EPB41L3: variants seen among roughly 807,000 people sequenced by gnomAD.
EPB41L3 encodes band 4.1-like protein 3.
Under a neutral mutation model 127.1 loss-of-function variants are expected in EPB41L3, and 57 were observed. That is an observed-to-expected ratio of 0.45 (90% CI 0.36 to 0.56). The LOEUF (loss-of-function observed/expected upper bound fraction) is 0.56. Ranked by LOEUF, EPB41L3 falls within the 20% of genes least tolerant of loss-of-function variation. The pLI, the probability that EPB41L3 is intolerant of heterozygous loss-of-function variation, is 0.00. For synonymous variants in EPB41L3, 572 were observed against 549.5 expected (o/e 1.04, Z -0.57); for missense variants, 1,273 against 1,372.2 (o/e 0.93, Z 1.14).
chr18:5,419,651 C>T lies in EPB41L3; in HGVS notation c.1506+60G>A, dbSNP rs2077226151. ...GCACATTCCTGGTTTACAGCCTCAG[C>T]ATCATTTAGTCATTCTTAAAAGCTG... is the stretch of plus-strand genomic sequence containing the variant. On this transcript the variant is annotated intron_variant, in intron 12 of 22. Transcript: ENST00000341928. The T allele has an allele frequency of 1.7e-5, 28 of 1,602,648 alleles. No homozygotes were observed. The South Asian group carries it at 2.9e-4, about 17-fold the overall frequency.
intron 13 of EPB41L3, among the ~76,000 whole-genome samples, chr18:5,411,776 G>A (rs1276098355): frequency 6.6e-6 from 1 of 152,148 alleles, no homozygotes; most frequent in Non-Finnish European, 1.5e-5. Flanking sequence ...CTGGGACAGT[G>A]TTGTTTCCAC....
At chr18:5,564,528 C>T (rs142536863) in intron 3 of EPB41L3, among the ~76,000 whole-genome samples, 1,916 of 152,100 alleles carry the variant, frequency 0.013, 41 homozygotes, top group African/African-American at 0.044. Flanking sequence ...ATTATGGAGC[C>T]GATGGTGGGT....
At chr18:5,535,164 A>T (rs1334181278) in intron 1 of EPB41L3, among the ~76,000 whole-genome samples, 1 of 152,132 alleles carries the variant, frequency 6.6e-6, no homozygotes. Context: ...GAAGTGGAAC[A>T]GTTTCTTCCT....
chr18:5,625,907 T>A (rs1379970301), intron 1 of EPB41L3, among the ~76,000 whole-genome samples: 1 of 152,106 alleles, frequency 6.6e-6, no homozygotes, highest in Non-Finnish European at 1.5e-5. Flanking sequence ...TTTCTCTCTC[T>A]TTTTATTTCA....
intron 2 of EPB41L3, among the ~76,000 whole-genome samples, chr18:5,481,362 T>C (rs1422844222): frequency 6.6e-6 from 1 of 152,166 alleles, no homozygotes. Flanking sequence ...AAAAACTCCA[T>C]GCAGATGGTG....
chr18:5,529,992 C>A (rs1204504513), intron 1 of EPB41L3, among the ~76,000 whole-genome samples: 1 of 150,784 alleles, frequency 6.6e-6, no homozygotes, highest in Non-Finnish European at 1.5e-5. Context: ...GGGCCATTCC[C>A]CTCTCCCTCA....
At chr18:5,601,358 C>G (rs1177174545) in intron 3 of EPB41L3, among the ~76,000 whole-genome samples, 1 of 152,138 alleles carries the variant, frequency 6.6e-6, no homozygotes, top group Non-Finnish European at 1.5e-5. Flanking sequence ...AAGTTGCCTC[C>G]CCCTGTGCTA....
At chr18:5,417,063 T>G (rs543670911) in intron 12 of EPB41L3, among the ~76,000 whole-genome samples, 2 of 152,340 alleles carry the variant, frequency 1.3e-5, no homozygotes, top group South Asian at 4.1e-4. Flanking sequence ...TTGGCTCCTT[T>G]ATTTAGGATA....
chr18:5,574,301 G>A (rs1170244737), intron 3 of EPB41L3, among the ~76,000 whole-genome samples: 1 of 151,090 alleles, frequency 6.6e-6, no homozygotes, highest in Non-Finnish European at 1.5e-5. Flanking sequence ...TGAACTCCTG[G>A]ACTCAAATGA....
intron 1 of EPB41L3, 103 bp from the exon 2 acceptor site, chr18:5,489,297 G>C: frequency 7.4e-7 from 1 of 1,351,924 alleles, no homozygotes; most frequent in South Asian, 1.4e-5. Context: ...GAACCACAGA[G>C]AGGGAGATGC....
Position 5,488,310 on chromosome 18 carries a change from A to G in EPB41L3, c.183+691T>C, listed in dbSNP as rs1380142604. ...ACCATCATTCTTAGCAAACTAACAC[A>G]GGAACAGAAAACCAAACACCGCATG... On this transcript the variant is annotated intron_variant, in intron 2 of 22. Coordinates refer to ENST00000341928, the MANE Select transcript of EPB41L3 (RefSeq NM_012307.5). 4.6e-5 allele frequency among the ~76,000 whole-genome samples: 7 copies of G among 152,094 alleles called. No homozygotes were observed. The South Asian group carries it at 6.2e-4, about 14-fold the overall frequency.
chr18:5,569,714 T>C (rs189999384), intron 3 of EPB41L3, among the ~76,000 whole-genome samples: 1 of 152,370 alleles, frequency 6.6e-6, no homozygotes, highest in East Asian at 1.9e-4. Context: ...GTAGTGGTTT[T>C]TCCGGCATTC....
intron 3 of EPB41L3, among the ~76,000 whole-genome samples, chr18:5,470,381 A>C (rs1033141252): frequency 6.6e-6 from 1 of 152,256 alleles, no homozygotes. Context: ...CTGCAAAATG[A>C]GTACAGCTCT....
chr18:5,599,874 C>T (rs945970287), intron 3 of EPB41L3, among the ~76,000 whole-genome samples: 9 of 152,014 alleles, frequency 5.9e-5, no homozygotes, highest in Non-Finnish European at 1.0e-4. Flanking sequence ...CCTTTAGAGA[C>T]GTATTTATAT....
rs1444588168 is a variant in EPB41L3 at position 5,538,994 on chromosome 18, GA to G, written c.-12+4918del. The stretch of plus-strand genomic sequence containing the variant: ...GCAGTGCTTTTTAAGCTTTCTCCAA[GA>G]TTTTTTTTTTTTTTTTTTTTTTTGG... On this transcript the variant is annotated intron_variant, in intron 1 of 22. Coordinates refer to ENST00000341928, the MANE Select transcript of EPB41L3 (RefSeq NM_012307.5). Among the ~76,000 whole-genome samples, 260 of 128,622 alleles carry G rather than the reference GA, an allele frequency of 2.0e-3. 3 individuals carry two copies. The highest frequency in any genetic ancestry group is 9.6e-3 in the South Asian group (39 of 4,050). 84.4% of individuals were successfully genotyped at this position (128,622 alleles called of 152,430 possible). A position where few individuals can be genotyped will look rare whatever the true frequency, so the allele number is the denominator to read the frequency against.
At chr18:5,430,711 G>A (rs146835983) in intron 8 of EPB41L3, among the ~76,000 whole-genome samples, 1,749 of 151,078 alleles carry the variant, frequency 0.012, 12 homozygotes, top group Middle Eastern at 0.038. Context: ...CCACAGGCAC[G>A]TGCCACCACA....
chr18:5,402,200 T>C (rs1248543227), intron 16 of EPB41L3, among the ~76,000 whole-genome samples: 16 of 150,232 alleles, frequency 1.1e-4, no homozygotes, highest in African/African-American at 3.9e-4. Flanking sequence ...CAAAAATCTC[T>C]ATCCCACTGC....
intron 3 of EPB41L3, among the ~76,000 whole-genome samples, chr18:5,472,480 G>A (rs1692492280): frequency 6.6e-6 from 1 of 152,098 alleles, no homozygotes; most frequent in South Asian, 2.1e-4. Context: ...GGAGGAGGGT[G>A]GCATGTTATA....
chr18:5,556,554 C>T (rs953203197), intron 3 of EPB41L3, among the ~76,000 whole-genome samples: 1 of 152,216 alleles, frequency 6.6e-6, no homozygotes, highest in African/African-American at 2.4e-5. Flanking sequence ...TACTGATTCA[C>T]ATTTGCTCCC....
Sources: gnomAD v4.1 joint callset for allele counts (sites outside exome capture counted in the v4.1 genomes callset) on GRCh38, gnomAD v4.1.1 for gene constraint, MANE v1.5 for transcripts, NCBI Gene and HGNC (gene_info 2026-07-23, HGNC 2026-07-21) for gene names.